The following RNF180 variants were observed in gnomAD, a reference collection of about 807,000 sequenced individuals.
RNF180 encodes the protein ring finger protein 180.
RNF180 carries 38 observed loss-of-function variants against 59.2 expected under a neutral mutation model. That is an observed-to-expected ratio of 0.64 (90% confidence interval 0.50 to 0.84). The LOEUF (loss-of-function observed/expected upper bound fraction) is 0.84, where lower values mean the gene tolerates loss of function less well. Among genes scored for constraint, RNF180 ranks in the 40% least tolerant of loss-of-function variants. The pLI, the probability that RNF180 is intolerant of heterozygous loss-of-function variation, is 0.00. For missense variants in RNF180, 705 were observed against 700.9 expected (o/e 1.01, Z -0.07); for synonymous variants, 262 against 240.3 (o/e 1.09, Z -0.84).
At position 64,359,140 on chromosome 5, in the gene RNF180, G is replaced by A. The variant is rs1056878587; in HGVS notation, c.1580-10475G>A. ...AGCAGCATGATTTATAGTCCTTTGG[G>A]TATATACCCAGTAATGGGATGGCTG... On this transcript the variant is annotated intron_variant, in intron 7 of 7. Transcript: ENST00000389100. 3.3e-5 allele frequency among the ~76,000 whole-genome samples: 5 copies of A among 151,524 alleles called. No individual in the cohort carries two copies. In the South Asian group the frequency reaches 6.3e-4, roughly 19 times the overall value.
chr5:64,301,814 A>G (rs1224399354), intron 5 of RNF180, among the ~76,000 whole-genome samples: 1 of 151,538 alleles, frequency 6.6e-6, no homozygotes, highest in African/African-American at 2.4e-5. Flanking sequence ...TCTGTTTAGG[A>G]ATGGCACATA....
chr5:64,339,095 C>G (rs1745252988), intron 7 of RNF180, among the ~76,000 whole-genome samples: 1 of 151,424 alleles, frequency 6.6e-6, no homozygotes, highest in South Asian at 2.1e-4. Flanking sequence ...TCTTGTATAT[C>G]TAGTTATGCT....
chr5:64,238,604 T>C (rs967023021), intron 5 of RNF180, among the ~76,000 whole-genome samples: 3 of 152,190 alleles, frequency 2.0e-5, no homozygotes, highest in Admixed American at 6.5e-5. Flanking sequence ...ACATTCAAAA[T>C]TTTTATATAC....
At chr5:64,334,470 T>C (rs1180564252) in intron 7 of RNF180, among the ~76,000 whole-genome samples, 1 of 152,158 alleles carries the variant, frequency 6.6e-6, no homozygotes, top group African/African-American at 2.4e-5. Context: ...TGTTGAGGCC[T>C]GAAAAAAAAT....
intron 5 of RNF180, among the ~76,000 whole-genome samples, chr5:64,307,380 A>C (rs751625120): frequency 6.6e-6 from 1 of 151,586 alleles, no homozygotes; most frequent in African/African-American, 2.4e-5. Context: ...TTTGATTCCA[A>C]ATGTATAATA....
chr5:64,185,320 CAG>C (rs995296255), intron 1 of RNF180, among the ~76,000 whole-genome samples: 16 of 152,226 alleles, frequency 1.1e-4, no homozygotes, highest in Middle Eastern at 3.4e-3. Flanking sequence ...GTTTTACACT[CAG>C]AGTTTTATTT....
intron 1 of RNF180, among the ~76,000 whole-genome samples, chr5:64,181,132 A>G (rs1021215173): frequency 1.3e-5 from 2 of 152,180 alleles, no homozygotes; most frequent in Admixed American, 6.5e-5. Context: ...TGCTCCTTCC[A>G]CGTTCTTCTG....
At chr5:64,265,132 T>C (rs1744582410) in intron 5 of RNF180, among the ~76,000 whole-genome samples, 1 of 152,196 alleles carries the variant, frequency 6.6e-6, no homozygotes, top group South Asian at 2.1e-4. Context: ...ATTAGCCCTC[T>C]GTCAGATGGG....
chr5:64,214,542 TAAA>T, intron 4 of RNF180, 25 bp downstream of exon 4: 1 of 1,589,914 alleles, frequency 6.3e-7, no homozygotes, highest in Non-Finnish European at 8.6e-7. Flanking sequence ...AAGAGTTTAC[TAAA>T]AATCTGTATT....
chr5:64,254,911 A>T (rs768033299), intron 5 of RNF180, among the ~76,000 whole-genome samples: 9 of 152,104 alleles, frequency 5.9e-5, no homozygotes, highest in Non-Finnish European at 1.2e-4. Context: ...GTGATATCTG[A>T]TATCTTTCTC....
chr5:64,209,443 A>G (rs936567036), intron 2 of RNF180, among the ~76,000 whole-genome samples: 8 of 152,064 alleles, frequency 5.3e-5, no homozygotes, highest in African/African-American at 4.8e-5. Flanking sequence ...AAATATTAAT[A>G]CATTAATACA....
chr5:64,300,512 ACTT>A (rs1414965281), intron 5 of RNF180, among the ~76,000 whole-genome samples: 2 of 151,718 alleles, frequency 1.3e-5, no homozygotes, highest in Non-Finnish European at 2.9e-5. Flanking sequence ...TTGGGATGTT[ACTT>A]CTTCATAAAT....
At chr5:64,225,765 G>A (rs1480494968) in intron 5 of RNF180, among the ~76,000 whole-genome samples, 4 of 139,580 alleles carry the variant, frequency 2.9e-5, no homozygotes, top group Non-Finnish European at 6.1e-5. Context: ...TCTGAGATGT[G>A]AGGAGCACCT....
intron 5 of RNF180, among the ~76,000 whole-genome samples, chr5:64,270,508 C>T (rs1741336708): frequency 1.3e-5 from 2 of 152,068 alleles, no homozygotes; most frequent in South Asian, 4.1e-4. Flanking sequence ...TTTATGTGCT[C>T]ATGTCATGCT....
At chr5:64,217,640 CTTTAG>C (rs1752704927) in intron 5 of RNF180, 2 of 493,248 alleles carry the variant, frequency 4.1e-6, no homozygotes, top group Admixed American at 4.9e-5. Context: ...TGTATATATT[CTTTAG>C]TTAAGTGTCT....
At chr5:64,294,958 A>T (rs573932159) in intron 5 of RNF180, among the ~76,000 whole-genome samples, 1 of 152,302 alleles carries the variant, frequency 6.6e-6, no homozygotes, top group South Asian at 2.1e-4. Context: ...TTTCAGAGGC[A>T]ACCACTATTC....
intron 5 of RNF180, among the ~76,000 whole-genome samples, chr5:64,281,185 C>T (rs1741990692): frequency 6.6e-6 from 1 of 152,162 alleles, no homozygotes; most frequent in Non-Finnish European, 1.5e-5. Context: ...AGTTATTTAT[C>T]AGATCTAGGA....
chr5:64,231,229 C>T (rs981446249), intron 5 of RNF180, among the ~76,000 whole-genome samples: 1 of 152,136 alleles, frequency 6.6e-6, no homozygotes, highest in African/African-American at 2.4e-5. Flanking sequence ...ATAAATAACA[C>T]ATATGTAGCA....
intron 5 of RNF180, among the ~76,000 whole-genome samples, chr5:64,277,663 T>C (rs1284733571): frequency 6.6e-6 from 1 of 152,198 alleles, no homozygotes; most frequent in Non-Finnish European, 1.5e-5. Flanking sequence ...GGATACAGAC[T>C]AATTTTGTGT....
Sources: gnomAD v4.1 joint callset for allele counts (sites outside exome capture counted in the v4.1 genomes callset) on GRCh38, gnomAD v4.1.1 for gene constraint, MANE v1.5 for transcripts, NCBI Gene and HGNC (gene_info 2026-07-23, HGNC 2026-07-21) for gene names.